VAC14: variants seen among roughly 807,000 people sequenced by gnomAD.
The protein encoded by VAC14 is VAC14 component of PIKFYVE complex.
A neutral mutation model predicts 85.3 loss-of-function variants in VAC14; 47 were observed. That is an observed-to-expected ratio of 0.55 (90% CI 0.44 to 0.70). VAC14 has a LOEUF of 0.70. VAC14 is among the 30% of genes least tolerant of loss of function. The pLI, the probability that VAC14 is intolerant of heterozygous loss-of-function variation, is 0.00. For missense variants in VAC14, 861 were observed against 1,004.3 expected (o/e 0.86, Z 1.93); for synonymous variants, 447 against 430.5 (o/e 1.04, Z -0.47).
At chr16:70,790,156 CATG>C (rs1164770703) in intron 1 of VAC14, among the ~76,000 whole-genome samples, 1 of 152,196 alleles carries the variant, frequency 6.6e-6, no homozygotes, top group Non-Finnish European at 1.5e-5. Flanking sequence ...GTAAGAAGGG[CATG>C]AGGTGACTCG....
intron 10 of VAC14, 86 bp from the exon 11 acceptor site, chr16:70,763,111 C>T (rs2032539971): frequency 1.3e-6 from 2 of 1,576,470 alleles, no homozygotes. Flanking sequence ...TGGGCCTGCA[C>T]ATCCTGAGTC....
At chr16:70,695,478 TCACC>T (rs1359184498) in intron 17 of VAC14, 62 bp downstream of exon 17, 2 of 1,544,562 alleles carry the variant, frequency 1.3e-6, no homozygotes, top group Non-Finnish European at 1.8e-6. Flanking sequence ...GAGCTTGACT[TCACC>T]CACCCCACTC....
intron 13 of VAC14, among the ~76,000 whole-genome samples, chr16:70,743,264 C>T (rs974591386): frequency 1.3e-5 from 2 of 152,190 alleles, no homozygotes; most frequent in African/African-American, 4.8e-5. Context: ...GGATTGTAAA[C>T]GTACCAATCA....
intron 1 of VAC14, among the ~76,000 whole-genome samples, chr16:70,799,910 T>C (rs1218755836): frequency 6.6e-6 from 1 of 152,170 alleles, no homozygotes; most frequent in African/African-American, 2.4e-5. Flanking sequence ...GAAACTAAAG[T>C]TTAATCTTTA....
chr16:70,705,565 G>T (rs2053905075), intron 14 of VAC14, among the ~76,000 whole-genome samples: 1 of 152,258 alleles, frequency 6.6e-6, no homozygotes, highest in South Asian at 2.1e-4. Context: ...CCAGCAGCGT[G>T]GAAAACAGCT....
intron 14 of VAC14, 94 bp downstream of exon 14, chr16:70,731,400 GA>G (rs1369791314): frequency 7.2e-6 from 11 of 1,532,780 alleles, no homozygotes; most frequent in Middle Eastern, 2.2e-4. Flanking sequence ...AGAGAGAAGG[GA>G]AAGAGAAGGT....
chr16:70,744,607 T>C, intron 12 of VAC14, 28 bp from the exon 13 acceptor site: 1 of 1,563,344 alleles, frequency 6.4e-7, no homozygotes, highest in Non-Finnish European at 8.6e-7. Context: ...GCAGGAGGGA[T>C]GAGCTCTCCG....
chr16:70,784,275 C>T, intron 4 of VAC14, 55 bp from the exon 5 acceptor site: 1 of 1,466,916 alleles, frequency 6.8e-7, no homozygotes, highest in Non-Finnish European at 9.5e-7. Flanking sequence ...GCTGCCTGAC[C>T]TCGCTGAATC....
Position 70,720,782 on chromosome 16 carries a change from T to C in VAC14, c.1661+10713A>G, listed in dbSNP as rs562171838. Among the ~76,000 whole-genome samples the C allele has an allele frequency of 3.6e-3, 551 of 152,366 alleles. 1 individual carries two copies. The highest frequency in any genetic ancestry group is 0.013 in the African/African-American group (524 of 41,582). On this transcript the variant is annotated intron_variant, in intron 14 of 18. Coordinates refer to ENST00000261776, the MANE Select transcript of VAC14 (RefSeq NM_018052.5). ...GGCCCCGATGGCCCCATGTTGGGGC[T>C]ATCCGCCCATGTGGTCTGGAGCTGG...
chr16:70,718,021 T>C (rs1328115642), intron 14 of VAC14, among the ~76,000 whole-genome samples: 1 of 152,170 alleles, frequency 6.6e-6, no homozygotes, highest in Non-Finnish European at 1.5e-5. Context: ...AGAAAGTGAG[T>C]CAACCCCAGA....
intron 14 of VAC14, among the ~76,000 whole-genome samples, chr16:70,704,872 C>T (rs529571353): frequency 4.6e-5 from 7 of 152,290 alleles, no homozygotes; most frequent in African/African-American, 1.4e-4. Context: ...GGCTCCCTGC[C>T]GTGCTCCGCC....
intron 14 of VAC14, among the ~76,000 whole-genome samples, chr16:70,727,270 C>T (rs2054456326): frequency 6.6e-6 from 1 of 152,228 alleles, no homozygotes; most frequent in African/African-American, 2.4e-5. Flanking sequence ...CATTGTGCTC[C>T]TCATCAGGCC....
chr16:70,698,840 C>T (rs748825105), intron 14 of VAC14, 29 bp from the exon 15 acceptor site: 16 of 1,610,460 alleles, frequency 9.9e-6, no homozygotes, highest in Admixed American at 3.3e-5. Flanking sequence ...GGGGTCAGGG[C>T]GCAGGCCGAC....
chr16:70,789,521 G>C (rs1287390258), intron 1 of VAC14, among the ~76,000 whole-genome samples: 2 of 152,224 alleles, frequency 1.3e-5, no homozygotes, highest in Non-Finnish European at 2.9e-5. Context: ...TGGTGGTTCA[G>C]TGGTAGAATT....
chr16:70,695,707 T>A, intron 16 of VAC14, 84 bp from the exon 17 acceptor site: 1 of 1,320,338 alleles, frequency 7.6e-7, no homozygotes, highest in Non-Finnish European at 1.1e-6. Context: ...CCCCTGCACC[T>A]GGCTTCCTGT....
chr16:70,762,772 G>C lies in VAC14; in HGVS notation c.1305+109C>G, dbSNP rs536100271. The C allele has an allele frequency of 1.3e-6, 2 of 1,558,800 alleles. No individual in the cohort carries two copies. The highest frequency in any genetic ancestry group is 1.4e-5 in the African/African-American group (1 of 73,890). ...GCACCTGTCACTTCTCTGCCGGCCA[G>C]GGTTTCCCTAGAAGGGCAATGACCA... On this transcript the variant is annotated intron_variant, in intron 11 of 18. Transcript: ENST00000261776. The surrounding 1 kb of genome is among the most constrained non-coding windows in gnomAD (Gnocchi z 4.1).
chr16:70,774,636 T>C (rs970333313), intron 9 of VAC14, among the ~76,000 whole-genome samples: 3 of 152,152 alleles, frequency 2.0e-5, no homozygotes, highest in African/African-American at 7.2e-5. Flanking sequence ...CAAATATTAC[T>C]GTGGAATTTG....
At position 70,796,995 on chromosome 16, in the gene VAC14, C is replaced by T. The variant is rs1392403681; in HGVS notation, c.104+3802G>A. Reference sequence around the variant, plus strand: ...GTAATCCCAGCACTTTGGGAGGCTGCAGTGGGAGGATTGTTTCAGCCTAGG... The same window carrying T: ...GTAATCCCAGCACTTTGGGAGGCTGTAGTGGGAGGATTGTTTCAGCCTAGG... On this transcript the variant is annotated intron_variant, in intron 1 of 18. Transcript: ENST00000261776. Among the ~76,000 whole-genome samples the T allele has an allele frequency of 4.6e-5, 7 of 152,062 alleles. No individual in the cohort carries two copies. The East Asian group carries it at 1.3e-3, about 29-fold the overall frequency.
At chr16:70,742,887 G>A (rs2030481973) in intron 13 of VAC14, among the ~76,000 whole-genome samples, 1 of 152,262 alleles carries the variant, frequency 6.6e-6, no homozygotes, top group African/African-American at 2.4e-5. Flanking sequence ...CCTCGGTCTA[G>A]TGGGGACTTG....
Sources: allele counts gnomAD v4.1 joint callset (sites outside exome capture counted in the v4.1 genomes callset), GRCh38; gene constraint gnomAD v4.1.1; non-coding constraint Gnocchi (gnomAD v3.1); transcripts MANE v1.5; gene names NCBI Gene and HGNC (gene_info 2026-07-23, HGNC 2026-07-21).